Variants in GAS7 observed in about 807,000 individuals in gnomAD.
GAS7 encodes the protein growth arrest-specific protein 7.
A neutral mutation model predicts 71.1 loss-of-function variants in GAS7; 28 were observed. The observed-to-expected ratio is 0.39, with a 90% CI of 0.29 to 0.54. The LOEUF is 0.54. GAS7 is among the 20% of genes least tolerant of loss of function. The probability of loss-of-function intolerance (pLI) is 0.62; values close to 1 mark genes in which losing one functional copy is unlikely to be tolerated. For missense variants in GAS7, 436 were observed against 627.8 expected, an observed-to-expected ratio of 0.69 and a Z score of 3.27; for synonymous variants, 258 against 245.8, an observed-to-expected ratio of 1.05 and a Z score of -0.46.
At chr17:10,150,019 G>A (rs1298009158) in intron 1 of GAS7, among the ~76,000 whole-genome samples, 1 of 152,134 alleles carries the variant, frequency 6.6e-6, no homozygotes, top group African/African-American at 2.4e-5. Flanking sequence ...GAAGTGTTCT[G>A]CAGTTAGTGA....
chr17:10,197,598 G>A (rs972706899), intron 1 of GAS7, among the ~76,000 whole-genome samples: 2 of 152,226 alleles, frequency 1.3e-5, no homozygotes, highest in African/African-American at 4.8e-5. Flanking sequence ...CTTAGCCTCG[G>A]GGAGCTGGAC....
intron 1 of GAS7, among the ~76,000 whole-genome samples, chr17:10,101,875 T>C (rs530227588): frequency 6.6e-6 from 1 of 152,310 alleles, no homozygotes; most frequent in East Asian, 1.9e-4. Flanking sequence ...GCTTCTGCCC[T>C]GGTTCTTGGC....
chr17:10,196,360 A>G (rs1252415152), intron 1 of GAS7, among the ~76,000 whole-genome samples: 1 of 152,182 alleles, frequency 6.6e-6, no homozygotes, highest in Non-Finnish European at 1.5e-5. Context: ...CTGTCAGGGA[A>G]CTGGTGATAA....
intron 1 of GAS7, among the ~76,000 whole-genome samples, chr17:10,066,441 A>G (rs2152244806): frequency 6.6e-6 from 1 of 152,258 alleles, no homozygotes; most frequent in African/African-American, 2.4e-5. Flanking sequence ...CGGCCTTTCA[A>G]AGAGCTGGGA....
At chr17:10,059,314 A>G (rs1312459516) in intron 1 of GAS7, among the ~76,000 whole-genome samples, 1 of 152,232 alleles carries the variant, frequency 6.6e-6, no homozygotes, top group Non-Finnish European at 1.5e-5. Context: ...ACACTGGGGA[A>G]TTAAGAAAAG....
At chr17:10,074,105 T>A (rs1469480005) in intron 1 of GAS7, among the ~76,000 whole-genome samples, 1 of 152,126 alleles carries the variant, frequency 6.6e-6, no homozygotes, top group African/African-American at 2.4e-5. Flanking sequence ...GTGATGGACG[T>A]ATGCAACGAT....
chr17:10,052,552 GAGC>G (rs2073077004), intron 1 of GAS7, among the ~76,000 whole-genome samples: 1 of 152,198 alleles, frequency 6.6e-6, no homozygotes, highest in Non-Finnish European at 1.5e-5. Flanking sequence ...GCGTAGCTGT[GAGC>G]AGTTTTGTTT....
At position 9,947,313 on chromosome 17, in the gene GAS7, T is replaced by C. The variant is rs141164127; in HGVS notation, c.526-330A>G. ...GGGGCAGTGACATCCACACACGCTT[T>C]TTCACGACAGCGCTATTTATGGCCG... is the stretch of plus-strand genomic sequence containing the variant. On this transcript the variant is annotated intron_variant, in intron 5 of 13. Transcript: ENST00000432992. 2.2e-4 allele frequency among the ~76,000 whole-genome samples: 34 copies of C among 152,310 alleles called. 2 individuals carry two copies. In the East Asian group the frequency reaches 6.6e-3, roughly 29 times the overall value.
intron 1 of GAS7, among the ~76,000 whole-genome samples, chr17:10,055,075 G>A (rs1371123435): frequency 4.6e-5 from 7 of 152,186 alleles, no homozygotes; most frequent in African/African-American, 7.2e-5. Context: ...CATCAAGCAG[G>A]CTGATAGAAG....
rs554778175 is a variant in GAS7, at chr17:9,919,229, G to T, written c.1218+397C>A. Among the ~76,000 whole-genome samples the T allele has an allele frequency of 1.3e-5, 2 of 152,224 alleles. No homozygotes were observed. The highest frequency in any genetic ancestry group is 3.9e-4 in the East Asian group (2 of 5,172). ...CCATCCTCACCCATCCATCCACTTT[G>T]CAAGGATCTCCTACCAAGGACCTGC... On this transcript the variant is annotated intron_variant, in intron 12 of 13. Coordinates refer to ENST00000432992, the MANE Select transcript of GAS7 (RefSeq NM_201433.2). This position sits in a 1 kb window ranked among gnomAD's most constrained non-coding sequence, Gnocchi z 5.0.
At chr17:9,982,575 G>A (rs1162938125) in intron 2 of GAS7, among the ~76,000 whole-genome samples, 4 of 152,000 alleles carry the variant, frequency 2.6e-5, no homozygotes, top group Admixed American at 6.6e-5. Context: ...TCAGGAGTTC[G>A]AGACCGGCCT....
intron 1 of GAS7, among the ~76,000 whole-genome samples, chr17:10,183,834 T>C (rs1313763085): frequency 6.7e-6 from 1 of 150,148 alleles, no homozygotes; most frequent in African/African-American, 2.5e-5. Flanking sequence ...AGAGCGAGAC[T>C]CCGTCTCAGG....
In GAS7 at chr17:9,917,891, CT is replaced by C; in HGVS notation, c.1317+109del. ...GCCAGAGCACCTGCCCACTGCCCGC[CT>C]TTAGGGCAGATTCACTTGCAGCAGC... On this transcript the variant is annotated intron_variant, in intron 13 of 13. Coordinates refer to ENST00000432992, the MANE Select transcript of GAS7 (RefSeq NM_201433.2). 3 of 756,524 alleles carry C rather than the reference CT, an allele frequency of 4.0e-6. No homozygotes were observed. The South Asian group carries it at 5.1e-5, about 13-fold the overall frequency. The allele number at this position is 756,524 out of a possible 1,614,324, so 46.9% of individuals were successfully genotyped here. A position where few individuals can be genotyped will look rare whatever the true frequency, so the allele number is the denominator to read the frequency against.
intron 9 of GAS7, among the ~76,000 whole-genome samples, chr17:9,927,224 T>G (rs112830910): frequency 0.032 from 4,781 of 151,214 alleles, 208 homozygotes; most frequent in Admixed American, 0.081. Context: ...CAAGGCAGGT[T>G]GATCACCTGA....
chr17:9,940,269 T>C, intron 7 of GAS7, 69 bp from the exon 8 acceptor site: 1 of 1,140,574 alleles, frequency 8.8e-7, no homozygotes, highest in South Asian at 1.2e-5. Flanking sequence ...CCTGCTGCCC[T>C]GCACACCTCA....
chr17:9,938,334 C>T (rs897211247), intron 8 of GAS7, among the ~76,000 whole-genome samples: 1 of 151,806 alleles, frequency 6.6e-6, no homozygotes, highest in Non-Finnish European at 1.5e-5. Flanking sequence ...TGGTGAAACC[C>T]CGTCTCTACT....
chr17:10,018,567 T>C (rs1344266159), intron 2 of GAS7, among the ~76,000 whole-genome samples: 1 of 152,144 alleles, frequency 6.6e-6, no homozygotes, highest in African/African-American at 2.4e-5. Flanking sequence ...ATTAGAACGG[T>C]CAGAAATAGT....
At chr17:9,940,743 C>A (rs1230802755) in intron 7 of GAS7, among the ~76,000 whole-genome samples, 1 of 152,226 alleles carries the variant, frequency 6.6e-6, no homozygotes, top group African/African-American at 2.4e-5. Context: ...GTGCCCAGGG[C>A]TGCAGGTAGA....
chr17:10,133,149 A>C (rs1484227300), intron 1 of GAS7, among the ~76,000 whole-genome samples: 1 of 115,730 alleles, frequency 8.6e-6, no homozygotes, highest in Non-Finnish European at 2.0e-5. Flanking sequence ...TTTGAGATGG[A>C]GTCTCGCTCT....
Sources: gnomAD v4.1 joint callset for allele counts (sites outside exome capture counted in the v4.1 genomes callset) on GRCh38, gnomAD v4.1.1 for gene constraint, Gnocchi (gnomAD v3.1) non-coding constraint, MANE v1.5 for transcripts, NCBI Gene and HGNC (gene_info 2026-07-23, HGNC 2026-07-21) for gene names.